AGPAT4: variants seen among roughly 807,000 people sequenced by gnomAD.
AGPAT4 encodes the protein 1-acyl-sn-glycerol-3-phosphate acyltransferase delta.
AGPAT4 carries 15 observed loss-of-function variants against 48.0 expected under a neutral mutation model. That is an observed-to-expected ratio of 0.31 (90% CI 0.21 to 0.48). The LOEUF (loss-of-function observed/expected upper bound fraction) is 0.48. Ranked by LOEUF, AGPAT4 falls within the 20% of genes least tolerant of loss-of-function variation. The probability of loss-of-function intolerance (pLI) is 0.99; values close to 1 mark genes in which losing one functional copy is unlikely to be tolerated. For missense variants in AGPAT4, 314 were observed against 482.5 expected (o/e 0.65, Z 3.27); for synonymous variants, 178 against 198.7 (o/e 0.90, Z 0.88).
chr6:161,203,536 C>T lies in AGPAT4; in HGVS notation c.178+28500G>A, dbSNP rs182993862. Among the ~76,000 whole-genome samples, 873 of 151,698 alleles carry T rather than the reference C, an allele frequency of 5.8e-3. 8 individuals are homozygous for T. The highest frequency in any genetic ancestry group is 0.02 in the African/African-American group (837 of 41,396). On this transcript the variant is annotated intron_variant, in intron 2 of 8. Coordinates refer to ENST00000320285, the MANE Select transcript of AGPAT4 (RefSeq NM_020133.3). The stretch of plus-strand genomic sequence containing the variant: ...CCCAAGAAGCTGGGATTACAGGCGC[C>T]TGCCACCAAGCCCAGCTAATTTTTG...
rs144346950 is a variant in AGPAT4, at chr6:161,259,739, A to C, written c.-90+14199T>G. ...TCTGGCTGAGTGGCACCTTGAGCTT[A>C]CCAACAGGGCAACTCCTCAAATGTG... On this transcript the variant is annotated intron_variant, in intron 1 of 8. Transcript: ENST00000320285. This position sits in a 1 kb window ranked among gnomAD's most constrained non-coding sequence, Gnocchi z 4.9. Among the ~76,000 whole-genome samples the C allele has an allele frequency of 1.2e-4, 18 of 152,254 alleles. No homozygotes were observed. The East Asian group carries it at 3.5e-3, about 30-fold the overall frequency.
chr6:161,157,705 A>T (rs74550947), intron 3 of AGPAT4, among the ~76,000 whole-genome samples: 7,125 of 152,316 alleles, frequency 0.047, 178 homozygotes, highest in Non-Finnish European at 0.064. Flanking sequence ...TTTGATGTTA[A>T]CTATGTTTGG....
chr6:161,251,478 G>A lies in AGPAT4; in HGVS notation c.-89-19176C>T, dbSNP rs1339256534. 6.6e-6 allele frequency among the ~76,000 whole-genome samples: 1 copy of A among 152,204 alleles called. No individual in the cohort carries two copies. The highest frequency in any genetic ancestry group is 1.5e-5 in the Non-Finnish European group (1 of 68,036). On this transcript the variant is annotated intron_variant, in intron 1 of 8. Coordinates refer to ENST00000320285, the MANE Select transcript of AGPAT4 (RefSeq NM_020133.3). This position sits in a 1 kb window ranked among gnomAD's most constrained non-coding sequence, Gnocchi z 4.6. ...TCAGAACAAAGGAGGGCTCCACCAA[G>A]CTTGTGTGCCCCCAGCTCTTTCCTT...
chr6:161,153,925 G>A (rs1046387969), intron 4 of AGPAT4, among the ~76,000 whole-genome samples: 8 of 144,710 alleles, frequency 5.5e-5, no homozygotes, highest in African/African-American at 7.8e-5. Flanking sequence ...GGTCACACAC[G>A]GCCCCATGGT....
rs1781141586 is a variant in AGPAT4, at chr6:161,198,899, T to A, written c.179-32482A>T. ...TGATCCACGATTCTATATTTTAAAC[T>A]CCAGAAACTCCTCAAATATATGTCA... is the stretch of plus-strand genomic sequence containing the variant. On this transcript the variant is annotated intron_variant, in intron 2 of 8. Coordinates refer to ENST00000320285, the MANE Select transcript of AGPAT4 (RefSeq NM_020133.3). The surrounding 1 kb of genome is among the most constrained non-coding windows in gnomAD (Gnocchi z 4.3). Among the ~76,000 whole-genome samples the A allele has an allele frequency of 6.6e-6, 1 of 152,190 alleles. No individual in the cohort carries two copies. Among genetic ancestry groups the A allele is most frequent in the African/African-American group, 2.4e-5 (1 of 41,470 alleles).
chr6:161,263,360 G>A (rs941584347), intron 1 of AGPAT4, among the ~76,000 whole-genome samples: 4 of 152,080 alleles, frequency 2.6e-5, no homozygotes, highest in South Asian at 4.1e-4. Context: ...GTGTGGTGGC[G>A]GGCACCTGTA....
rs1031878032 is a variant in AGPAT4, at chr6:161,238,395, C to G, written c.-89-6093G>C. ...GAAGGCAAAGAAGGAGCAGCTAAGA[C>G]AGATGACTTCGTCTCTCCTGGGAAA... On this transcript the variant is annotated intron_variant, in intron 1 of 8. Coordinates refer to ENST00000320285, the MANE Select transcript of AGPAT4 (RefSeq NM_020133.3). The surrounding 1 kb of genome is among the most constrained non-coding windows in gnomAD (Gnocchi z 5.2). 2.6e-5 allele frequency among the ~76,000 whole-genome samples: 4 copies of G among 152,214 alleles called. No homozygotes were observed. Among genetic ancestry groups the G allele is most frequent in the Admixed American group, 1.3e-4 (2 of 15,286 alleles).
At chr6:161,182,429 ACCCCAGCCC>A (rs1780626741) in intron 2 of AGPAT4, among the ~76,000 whole-genome samples, 1 of 66,148 alleles carries the variant, frequency 1.5e-5, no homozygotes, top group Admixed American at 1.8e-4. Context: ...CTATCCCCTC[ACCCCAGCCC>A]TGCATCCCAG....
chr6:161,192,736 TG>T (rs2115002528), intron 2 of AGPAT4, among the ~76,000 whole-genome samples: 1 of 152,310 alleles, frequency 6.6e-6, no homozygotes, highest in African/African-American at 2.4e-5. Context: ...TATCTGAAAA[TG>T]TGTTTATTTT....
rs766091835 is a variant in AGPAT4 at position 161,251,317 on chromosome 6, C to T, written c.-89-19015G>A. On this transcript the variant is annotated intron_variant, in intron 1 of 8. Transcript: ENST00000320285. This position sits in a 1 kb window ranked among gnomAD's most constrained non-coding sequence, Gnocchi z 4.6. ...GATCCTTCTCTACCTCATTGATTCCCATGCAGTCTCTCCTACATCGAATAC... is the reference window on the plus strand; with the variant it reads ...GATCCTTCTCTACCTCATTGATTCCTATGCAGTCTCTCCTACATCGAATAC... Among the ~76,000 whole-genome samples, 1 of 152,232 alleles carries T rather than the reference C, an allele frequency of 6.6e-6. No homozygotes were observed. The highest frequency in any genetic ancestry group is 2.4e-5 in the African/African-American group (1 of 41,462).
At position 161,197,830 on chromosome 6, in the gene AGPAT4, G is replaced by A. The variant is rs1383284009; in HGVS notation, c.179-31413C>T. ...AATAAAATTACTTACGTGGACTCTA[G>A]AGGAAATGTCATCATCAATAAATAC... On this transcript the variant is annotated intron_variant, in intron 2 of 8. Transcript: ENST00000320285. This position sits in a 1 kb window ranked among gnomAD's most constrained non-coding sequence, Gnocchi z 5.7. Among the ~76,000 whole-genome samples, 2 of 152,196 alleles carry A rather than the reference G, an allele frequency of 1.3e-5. No homozygotes were observed. The highest frequency in any genetic ancestry group is 2.9e-5 in the Non-Finnish European group (2 of 68,042).
rs1212874720 is a variant in AGPAT4, at chr6:161,148,954, C to T, written c.767+233G>A. Among the ~76,000 whole-genome samples, 2 of 152,216 alleles carry T rather than the reference C, an allele frequency of 1.3e-5. No homozygotes were observed. The highest frequency in any genetic ancestry group is 2.4e-5 in the African/African-American group (1 of 41,462). ...AAAATACAGCCTTCCATTTGTTCAACCTAAGCTCTTTGATACGAAAAAGCT... is the reference window on the plus strand; with the variant it reads ...AAAATACAGCCTTCCATTTGTTCAATCTAAGCTCTTTGATACGAAAAAGCT... On this transcript the variant is annotated intron_variant, in intron 6 of 8. Transcript: ENST00000320285. The surrounding 1 kb of genome is among the most constrained non-coding windows in gnomAD (Gnocchi z 5.5).
chr6:161,264,736 G>A lies in AGPAT4; in HGVS notation c.-90+9202C>T, dbSNP rs540851531. Among the ~76,000 whole-genome samples the A allele has an allele frequency of 3.3e-5, 5 of 152,262 alleles. No individual in the cohort carries two copies. The East Asian group carries it at 9.7e-4, about 29-fold the overall frequency. ...ACGCTGAAAGGGGATTCTGGAGTTG[G>A]GTGGGGAGTTGGAATAACTGACCCC... On this transcript the variant is annotated intron_variant, in intron 1 of 8. Coordinates refer to ENST00000320285, the MANE Select transcript of AGPAT4 (RefSeq NM_020133.3). This position sits in a 1 kb window ranked among gnomAD's most constrained non-coding sequence, Gnocchi z 6.8.
chr6:161,141,533 A>G lies in AGPAT4; in HGVS notation c.844-1913T>C, dbSNP rs1779249253. ...GATTTTCTTATCCCAGGTTGGGGCC[A>G]CAGGGCACCTGATAACTAGACAAGG... On this transcript the variant is annotated intron_variant, in intron 7 of 8. Transcript: ENST00000320285. The surrounding 1 kb of genome is among the most constrained non-coding windows in gnomAD (Gnocchi z 6.7). 6.6e-6 allele frequency among the ~76,000 whole-genome samples: 1 copy of G among 152,088 alleles called. No individual in the cohort carries two copies. Among genetic ancestry groups the G allele is most frequent in the Admixed American group, 6.5e-5 (1 of 15,276 alleles).
At chr6:161,188,546 A>AT (rs1170992807) in intron 2 of AGPAT4, among the ~76,000 whole-genome samples, 2 of 152,182 alleles carry the variant, frequency 1.3e-5, no homozygotes, top group African/African-American at 4.8e-5. Flanking sequence ...ATTACACTTT[A>AT]TTTTTTAGCA....
chr6:161,258,916 C>A (rs1289554638), intron 1 of AGPAT4, among the ~76,000 whole-genome samples: 1 of 151,908 alleles, frequency 6.6e-6, no homozygotes, highest in Non-Finnish European at 1.5e-5. Flanking sequence ...CATGCCTCAG[C>A]CTCCCAAGTA....
chr6:161,248,472 G>A lies in AGPAT4; in HGVS notation c.-89-16170C>T, dbSNP rs573948610. Among the ~76,000 whole-genome samples, 3 of 151,346 alleles carry A rather than the reference G, an allele frequency of 2.0e-5. No homozygotes were observed. In the East Asian group the frequency reaches 5.9e-4, roughly 30 times the overall value. ...CCCTGTAGTCCCAGCTCCTCGTGAG[G>A]CTGAGGCAGGAGAATAGAGTGAACC... is the stretch of plus-strand genomic sequence containing the variant. On this transcript the variant is annotated intron_variant, in intron 1 of 8. Transcript: ENST00000320285.
rs893496978 is a variant in AGPAT4, at chr6:161,225,751, C to T, written c.178+6285G>A. On this transcript the variant is annotated intron_variant, in intron 2 of 8. Transcript: ENST00000320285. This position sits in a 1 kb window ranked among gnomAD's most constrained non-coding sequence, Gnocchi z 5.0. Reference sequence around the variant, plus strand: ...ACACACTTCAGAAGTAAAAGGTACCCGCAGGTGACAGAGGAAAAAGAGGAA... The same window carrying T: ...ACACACTTCAGAAGTAAAAGGTACCTGCAGGTGACAGAGGAAAAAGAGGAA... 6.6e-6 allele frequency among the ~76,000 whole-genome samples: 1 copy of T among 152,086 alleles called. No homozygotes were observed. The highest frequency in any genetic ancestry group is 1.5e-5 in the Non-Finnish European group (1 of 68,022).
At position 161,222,906 on chromosome 6, in the gene AGPAT4, C is replaced by T. The variant is rs188316916; in HGVS notation, c.178+9130G>A. On this transcript the variant is annotated intron_variant, in intron 2 of 8. Coordinates refer to ENST00000320285, the MANE Select transcript of AGPAT4 (RefSeq NM_020133.3). The surrounding 1 kb of genome is among the most constrained non-coding windows in gnomAD (Gnocchi z 5.9). ...GGGTGCCTGGCTGCCTGAATAAACC[C>T]ATTTAGCCACTTGGTGATGCCAGCA... is the stretch of plus-strand genomic sequence containing the variant. 4.6e-5 allele frequency among the ~76,000 whole-genome samples: 7 copies of T among 152,236 alleles called. No homozygotes were observed. The East Asian group carries it at 1.3e-3, about 29-fold the overall frequency.
Sources: allele counts gnomAD v4.1 joint callset (sites outside exome capture counted in the v4.1 genomes callset), GRCh38; gene constraint gnomAD v4.1.1; non-coding constraint Gnocchi (gnomAD v3.1); transcripts MANE v1.5; gene names NCBI Gene and HGNC (gene_info 2026-07-23, HGNC 2026-07-21).